The following CTNNBL1 variants were observed in gnomAD, a reference collection of about 807,000 sequenced individuals.
CTNNBL1 encodes catenin beta like 1.
In CTNNBL1, 31 loss-of-function variants were observed where a neutral mutation model predicts 72.7. The ratio of observed to expected loss-of-function variants is 0.43; its 90% confidence interval spans 0.32 to 0.58. The LOEUF (loss-of-function observed/expected upper bound fraction) is 0.58, where lower values mean the gene tolerates loss of function less well. Among genes scored for constraint, CTNNBL1 ranks in the 20% least tolerant of loss-of-function variants. The probability of loss-of-function intolerance (pLI) is 0.08; values close to 1 mark genes in which losing one functional copy is unlikely to be tolerated. For missense variants in CTNNBL1, 534 were observed against 725.1 expected (o/e 0.74, Z 3.03); for synonymous variants, 240 against 267.3 (o/e 0.90, Z 1.00).
At chr20:37,812,367 G>A (rs1008171746) in intron 11 of CTNNBL1, among the ~76,000 whole-genome samples, 1 of 152,124 alleles carries the variant, frequency 6.6e-6, no homozygotes, top group African/African-American at 2.4e-5. Context: ...TGGTTGTGAA[G>A]CCCAGCTGTG....
rs75357843 is a variant in CTNNBL1 at position 37,707,755 on chromosome 20, G to A, written c.30+13603G>A. On this transcript the variant is annotated intron_variant, in intron 1 of 15. Coordinates refer to ENST00000361383, the MANE Select transcript of CTNNBL1 (RefSeq NM_030877.5). ...GTCTGGTATAACAGGCCTCGCTTTC[G>A]GCCCATTGCCGCTTTCAACATCCTT... Among the ~76,000 whole-genome samples the A allele has an allele frequency of 3.0e-4, 45 of 152,256 alleles. No individual in the cohort carries two copies. In the East Asian group the frequency reaches 6.9e-3, roughly 24 times the overall value.
intron 11 of CTNNBL1, among the ~76,000 whole-genome samples, chr20:37,825,757 C>T (rs2122780022): frequency 6.6e-6 from 1 of 152,298 alleles, no homozygotes; most frequent in Admixed American, 6.5e-5. Context: ...GTGTATAGAG[C>T]ATCCCTCTTG....
intron 7 of CTNNBL1, among the ~76,000 whole-genome samples, chr20:37,772,637 T>G (rs541874768): frequency 6.6e-6 from 1 of 152,202 alleles, no homozygotes; most frequent in African/African-American, 2.4e-5. Flanking sequence ...TGTAAGCCAC[T>G]GCGCCCGGCC....
intron 15 of CTNNBL1, among the ~76,000 whole-genome samples, chr20:37,863,517 A>AG (rs1451980661): frequency 6.6e-6 from 1 of 152,208 alleles, no homozygotes; most frequent in African/African-American, 2.4e-5. Flanking sequence ...CCTCAGGACT[A>AG]GGACTGGTAC....
intron 5 of CTNNBL1, among the ~76,000 whole-genome samples, chr20:37,760,056 A>G (rs1446886947): frequency 6.6e-6 from 1 of 152,216 alleles, no homozygotes; most frequent in Non-Finnish European, 1.5e-5. Flanking sequence ...CTGTCCTGGC[A>G]TTCTCAGGGA....
intron 1 of CTNNBL1, among the ~76,000 whole-genome samples, chr20:37,712,057 A>T (rs2072942917): frequency 6.6e-6 from 1 of 152,216 alleles, no homozygotes; most frequent in South Asian, 2.1e-4. Flanking sequence ...TAGCTGTGGG[A>T]GGGTGTGGAA....
chr20:37,718,196 G>T (rs1372357182), intron 1 of CTNNBL1, among the ~76,000 whole-genome samples: 1 of 135,226 alleles, frequency 7.4e-6, no homozygotes, highest in Non-Finnish European at 1.6e-5. Flanking sequence ...GGGCAGAGGC[G>T]CCCCTCACCT....
chr20:37,740,643 A>G (rs2073207946), intron 3 of CTNNBL1, among the ~76,000 whole-genome samples: 1 of 152,182 alleles, frequency 6.6e-6, no homozygotes, highest in African/African-American at 2.4e-5. Flanking sequence ...TTGTACTCTT[A>G]AATTATTGAA....
chr20:37,805,161 A>G (rs2071943689), intron 11 of CTNNBL1, among the ~76,000 whole-genome samples: 1 of 152,230 alleles, frequency 6.6e-6, no homozygotes, highest in Non-Finnish European at 1.5e-5. Context: ...TCCTCTGGGT[A>G]AGACTGTGCT....
chr20:37,701,766 C>T (rs1036512713), intron 1 of CTNNBL1, among the ~76,000 whole-genome samples: 3 of 151,744 alleles, frequency 2.0e-5, no homozygotes, highest in East Asian at 1.9e-4. Flanking sequence ...TGGTCGGAGA[C>T]GATGGGGGTC....
intron 3 of CTNNBL1, among the ~76,000 whole-genome samples, chr20:37,746,111 A>G (rs1407134018): frequency 2.0e-5 from 3 of 152,188 alleles, no homozygotes; most frequent in East Asian, 3.8e-4. Context: ...TAGGATAACT[A>G]TGTTCAGGGC....
intron 10 of CTNNBL1, among the ~76,000 whole-genome samples, chr20:37,792,270 C>T (rs915355436): frequency 7.2e-5 from 11 of 151,852 alleles, no homozygotes; most frequent in East Asian, 3.9e-4. Context: ...TTTCTGTTTC[C>T]GATTTCAGTG....
intron 1 of CTNNBL1, among the ~76,000 whole-genome samples, chr20:37,698,122 T>C (rs6012847): frequency 0.04 from 6,142 of 152,264 alleles, 344 homozygotes; most frequent in African/African-American, 0.13. Context: ...GAGGGTTCAA[T>C]CTAAGAGTTT....
chr20:37,819,266 G>A (rs1039086074), intron 11 of CTNNBL1, among the ~76,000 whole-genome samples: 1 of 152,072 alleles, frequency 6.6e-6, no homozygotes, highest in Non-Finnish European at 1.5e-5. Context: ...AGGCTCTTTG[G>A]GTGACTGCAT....
chr20:37,768,371 T>C (rs1037282288), intron 7 of CTNNBL1, among the ~76,000 whole-genome samples: 1 of 152,222 alleles, frequency 6.6e-6, no homozygotes, highest in Non-Finnish European at 1.5e-5. Context: ...ATCCATTCTC[T>C]CAGAAATTTT....
At chr20:37,778,777 G>A (rs1484806939) in intron 9 of CTNNBL1, among the ~76,000 whole-genome samples, 2 of 152,126 alleles carry the variant, frequency 1.3e-5, no homozygotes, top group African/African-American at 4.8e-5. Flanking sequence ...GGCTTTGAGG[G>A]GAGTTGGCAA....
At chr20:37,818,906 T>C (rs1301452257) in intron 11 of CTNNBL1, among the ~76,000 whole-genome samples, 4 of 152,346 alleles carry the variant, frequency 2.6e-5, no homozygotes, top group Non-Finnish European at 5.9e-5. Context: ...AATCTGTCTC[T>C]GTAATATACT....
chr20:37,819,367 G>A (rs75412732), intron 11 of CTNNBL1, among the ~76,000 whole-genome samples: 1 of 152,240 alleles, frequency 6.6e-6, no homozygotes, highest in East Asian at 1.9e-4. Flanking sequence ...AAATTATAAA[G>A]TTGGGTGCAC....
chr20:37,804,043 T>A (rs931946180), intron 11 of CTNNBL1, among the ~76,000 whole-genome samples: 1 of 152,166 alleles, frequency 6.6e-6, no homozygotes, highest in African/African-American at 2.4e-5. Context: ...TCAGTGGTTA[T>A]CTTCAGTGAT....
Sources: gnomAD v4.1 joint callset for allele counts (sites outside exome capture counted in the v4.1 genomes callset) on GRCh38, gnomAD v4.1.1 for gene constraint, MANE v1.5 for transcripts, NCBI Gene and HGNC (gene_info 2026-07-23, HGNC 2026-07-21) for gene names.